FIGN: variants seen among roughly 807,000 people sequenced by gnomAD.
FIGN encodes fidgetin.
FIGN carries 11 observed loss-of-function variants against 51.3 expected under a neutral mutation model. The ratio of observed to expected loss-of-function variants is 0.21; its 90% CI spans 0.13 to 0.35. FIGN has a LOEUF of 0.35. Among genes scored for constraint, FIGN ranks in the 10% least tolerant of loss-of-function variants. FIGN has a pLI of 1.00. For missense variants in FIGN, 857 were observed against 943.6 expected (o/e 0.91, Z 1.20); for synonymous variants, 407 against 363.2 (o/e 1.12, Z -1.37).
intron 2 of FIGN, among the ~76,000 whole-genome samples, chr2:163,652,213 C>T (rs970377357): frequency 6.6e-6 from 1 of 152,034 alleles, no homozygotes; most frequent in African/African-American, 2.4e-5. Flanking sequence ...AATTCCATTA[C>T]ACTGTAAAAG....
At chr2:163,711,990 A>T (rs1194650829) in intron 2 of FIGN, among the ~76,000 whole-genome samples, 1 of 151,962 alleles carries the variant, frequency 6.6e-6, no homozygotes, top group Non-Finnish European at 1.5e-5. Context: ...CCACCCTCTG[A>T]ACACACACGT....
In FIGN at chr2:163,608,272, T is replaced by C. The variant is rs1691154626; in HGVS notation, c.*1280A>G. 6.6e-6 allele frequency: 1 copy of C among 152,592 alleles called. No homozygotes were observed. Among genetic ancestry groups the C allele is most frequent in the African/African-American group, 2.4e-5 (1 of 41,428 alleles). 9.5% of individuals were successfully genotyped at this position (152,592 alleles called of 1,614,324 possible). ...TTCTTTGTGGATATATATATGTGTA[T>C]GTAAGTTGGTTTGTTGGTTGGTTTT... On this transcript the variant is annotated 3_prime_UTR_variant, in exon 3 of 3. Transcript: ENST00000333129.
chr2:163,631,750 A>G (rs769232896), intron 2 of FIGN, among the ~76,000 whole-genome samples: 29 of 152,186 alleles, frequency 1.9e-4, no homozygotes, highest in Non-Finnish European at 2.1e-4. Flanking sequence ...TAGAACAGGG[A>G]AGGTAATTTA....
intron 2 of FIGN, among the ~76,000 whole-genome samples, chr2:163,733,150 TAAG>T: frequency 6.6e-6 from 1 of 152,314 alleles, no homozygotes; most frequent in East Asian, 1.9e-4. Context: ...ACAAGGCTCC[TAAG>T]TTAACATCAT....
At chr2:163,670,111 G>A (rs1444083804) in intron 2 of FIGN, among the ~76,000 whole-genome samples, 1 of 152,132 alleles carries the variant, frequency 6.6e-6, no homozygotes, top group Admixed American at 6.5e-5. Flanking sequence ...CTCAGCTTTA[G>A]CAAAACTAGA....
At chr2:163,638,965 C>A (rs531265215) in intron 2 of FIGN, among the ~76,000 whole-genome samples, 42 of 152,024 alleles carry the variant, frequency 2.8e-4, no homozygotes, top group African/African-American at 1.0e-3. Context: ...AGCATTAAAC[C>A]CCTCCAGTAA....
At chr2:163,646,632 C>A (rs1355543753) in intron 2 of FIGN, among the ~76,000 whole-genome samples, 1 of 152,166 alleles carries the variant, frequency 6.6e-6, no homozygotes, top group Admixed American at 6.5e-5. Context: ...TCTTTAAGAA[C>A]TGGCATATAA....
chr2:163,695,157 T>G, intron 2 of FIGN, among the ~76,000 whole-genome samples: 1 of 152,214 alleles, frequency 6.6e-6, no homozygotes, highest in East Asian at 1.9e-4. Context: ...ACAGTCACTC[T>G]TTTCCTTAAA....
At chr2:163,657,610 G>C (rs1683582863) in intron 2 of FIGN, among the ~76,000 whole-genome samples, 1 of 151,744 alleles carries the variant, frequency 6.6e-6, no homozygotes, top group Non-Finnish European at 1.5e-5. Context: ...GAATTCTACA[G>C]AAGACTCATG....
chr2:163,643,932 C>CAAAAAAAAAAAAAAAAAAAAAAAA lies in FIGN; in HGVS notation c.26-32150_26-32127dup, dbSNP rs1162234909. 2.1e-4 allele frequency among the ~76,000 whole-genome samples: 4 copies of CAAAAAAAAAAAAAAAAAAAAAAAA among 19,078 alleles called. 1 individual carries two copies. The highest frequency in any genetic ancestry group is 2.9e-4 in the Non-Finnish European group (3 of 10,436). The allele number at this position is 19,078 out of a possible 152,430, so 12.5% of individuals were successfully genotyped here. The stretch of plus-strand genomic sequence containing the variant: ...GGGCAACAAGAGCGAAACTCTGTCT[C>CAAAAAAAAAAAAAAAAAAAAAAAA]AAAAAAAAAAAAAAAAAAAAAAAAA... On this transcript the variant is annotated intron_variant, in intron 2 of 2. Transcript: ENST00000333129.
At chr2:163,648,380 GT>G (rs780404406) in intron 2 of FIGN, among the ~76,000 whole-genome samples, 17 of 152,176 alleles carry the variant, frequency 1.1e-4, no homozygotes, top group Non-Finnish European at 1.8e-4. Flanking sequence ...TGTCTAAATA[GT>G]TGAAAGAGTC....
At chr2:163,624,428 G>GA (rs377256970) in intron 2 of FIGN, among the ~76,000 whole-genome samples, 201 of 129,056 alleles carry the variant, frequency 1.6e-3, no homozygotes, top group Middle Eastern at 8.1e-3. Flanking sequence ...AGAAGAGAAA[G>GA]AAAAAAAAAA....
intron 2 of FIGN, among the ~76,000 whole-genome samples, chr2:163,717,356 T>C (rs1684684075): frequency 6.6e-6 from 1 of 152,150 alleles, no homozygotes; most frequent in Admixed American, 6.5e-5. Context: ...TGCAAACAAA[T>C]AAATGTATAT....
chr2:163,616,409 C>T (rs1682878595), intron 2 of FIGN, among the ~76,000 whole-genome samples: 1 of 152,170 alleles, frequency 6.6e-6, no homozygotes, highest in Admixed American at 6.6e-5. Context: ...ACTCACTACC[C>T]AACCCACTCC....
chr2:163,651,340 T>C (rs1161650868), intron 2 of FIGN, among the ~76,000 whole-genome samples: 73 of 152,224 alleles, frequency 4.8e-4, no homozygotes, highest in Non-Finnish European at 4.4e-5. Context: ...CACACACCTG[T>C]AGTCCCAGCT....
chr2:163,719,411 C>A (rs1684719855), intron 2 of FIGN, among the ~76,000 whole-genome samples: 2 of 152,094 alleles, frequency 1.3e-5, no homozygotes, highest in Admixed American at 6.5e-5. Context: ...CAGACACAAA[C>A]ACACAAGTAA....
chr2:163,644,717 T>C (rs894723493), intron 2 of FIGN, among the ~76,000 whole-genome samples: 1 of 152,142 alleles, frequency 6.6e-6, no homozygotes, highest in African/African-American at 2.4e-5. Flanking sequence ...AAAAAAGTCA[T>C]ATCCACTGGA....
At chr2:163,657,807 C>A (rs1218189477) in intron 2 of FIGN, among the ~76,000 whole-genome samples, 1 of 151,972 alleles carries the variant, frequency 6.6e-6, no homozygotes, top group Non-Finnish European at 1.5e-5. Flanking sequence ...TGGTATAGTG[C>A]ACAATGTATT....
At chr2:163,734,623 T>C (rs1486636425) in intron 2 of FIGN, among the ~76,000 whole-genome samples, 2 of 148,544 alleles carry the variant, frequency 1.3e-5, no homozygotes, top group Non-Finnish European at 3.0e-5. Context: ...ACTTCAGCAG[T>C]TATATATATA....
Sources: allele counts gnomAD v4.1 joint callset (sites outside exome capture counted in the v4.1 genomes callset), GRCh38; gene constraint gnomAD v4.1.1; transcripts MANE v1.5; gene names NCBI Gene and HGNC (gene_info 2026-07-23, HGNC 2026-07-21).